SBNO2: variants seen among roughly 807,000 people sequenced by gnomAD.
The protein encoded by SBNO2 is protein strawberry notch homolog 2.
In SBNO2, 89 loss-of-function variants were observed where a neutral mutation model predicts 146.3. The ratio of observed to expected loss-of-function variants is 0.61; its 90% CI spans 0.51 to 0.73. SBNO2 has a LOEUF of 0.73. SBNO2 is among the 30% of genes least tolerant of loss of function. SBNO2 has a pLI of 0.00. For missense variants in SBNO2, 2,092 were observed against 2,003.7 expected (o/e 1.04, Z -0.84); for synonymous variants, 1,147 against 892.6 (o/e 1.29, Z -5.08).
intron 14 of SBNO2, 134 bp downstream of exon 14, chr19:1,118,875 AAC>A (rs2079863864): frequency 3.4e-6 from 3 of 891,724 alleles, no homozygotes; most frequent in Non-Finnish European, 5.0e-6. Context: ...GTCTCAAAAA[AAC>A]AACAAAAAAA....
At position 1,112,009 on chromosome 19, in the gene SBNO2, T is replaced by C; in HGVS notation, c.2687A>G (p.Asn896Ser). 6.2e-7 allele frequency: 1 copy of C among 1,610,754 alleles called. No homozygotes were observed. Among genetic ancestry groups the C allele is most frequent in the Non-Finnish European group, 8.5e-7 (1 of 1,179,132 alleles). ...ATESRDLSKY[N>S]FENKYGTRAL... ...TCCCTGCAGTACCTTGTTCTCAAAG[T>C]TGTACTTGCTGAGGTCACGGGACTC... Residue 896 changes from asparagine to serine, a missense_variant, in exon 23 of 32, where the codon AAC (asparagine) becomes AGC (serine). Transcript: ENST00000361757. This position sits in a 1 kb window ranked among gnomAD's most constrained non-coding sequence, Gnocchi z 5.9.
At chr19:1,147,102 C>A (rs1296665053) in intron 4 of SBNO2, among the ~76,000 whole-genome samples, 1 of 152,098 alleles carries the variant, frequency 6.6e-6, no homozygotes, top group African/African-American at 2.4e-5. Context: ...TCACTGCTGA[C>A]ACGAAGGGCC....
rs762452640 is a variant in SBNO2, at chr19:1,109,536, G to A, written c.3186C>T (p.Gly1062=). 27 of 1,600,800 alleles carry A rather than the reference G, an allele frequency of 1.7e-5. No homozygotes were observed. In the Admixed American group the frequency reaches 3.9e-4, roughly 23 times the overall value. Residue 1062 remains glycine (G), a synonymous_variant, in exon 28 of 32, where the codon GGC becomes GGT. Transcript: ENST00000361757. The surrounding 1 kb of genome is among the most constrained non-coding windows in gnomAD (Gnocchi z 4.2). ...AGGAGAGGTAGAAGCCGTCATAGGG[G>A]CCCGTCAGCGCCAGCGACTTGGCAA... ...DAFAKSLALT[G]PYDGFYLSYK...
At position 1,166,017 on chromosome 19, in the gene SBNO2, C is replaced by T. The variant is rs796981730; in HGVS notation, c.-127+8155G>A. On this transcript the variant is annotated intron_variant, in intron 1 of 31. Coordinates refer to ENST00000361757, the MANE Select transcript of SBNO2 (RefSeq NM_014963.3). Reference sequence around the variant, plus strand: ...CAGACCCCAGATCCTAGATCCCAGACCTCAGACCCCAGACCCCAGACCCCA... The same window carrying T: ...CAGACCCCAGATCCTAGATCCCAGATCTCAGACCCCAGACCCCAGACCCCA... Among the ~76,000 whole-genome samples, 4 of 43,742 alleles carry T rather than the reference C, an allele frequency of 9.1e-5. 1 individual carries two copies. Among genetic ancestry groups the T allele is most frequent in the Admixed American group, 1.8e-4 (1 of 5,558 alleles). 28.7% of individuals were successfully genotyped at this position (43,742 alleles called of 152,430 possible).
At chr19:1,149,893 G>A (rs1314322574) in intron 2 of SBNO2, among the ~76,000 whole-genome samples, 1 of 152,168 alleles carries the variant, frequency 6.6e-6, no homozygotes, top group Non-Finnish European at 1.5e-5. Flanking sequence ...GGGGCTCCTC[G>A]GGCAGGGCCT....
Position 1,109,228 on chromosome 19 carries a change from G to C in SBNO2, c.3349-17C>G, listed in dbSNP as rs376859092. On this transcript the variant is annotated splice_polypyrimidine_tract_variant and intron_variant, in intron 29 of 31. Coordinates refer to ENST00000361757, the MANE Select transcript of SBNO2 (RefSeq NM_014963.3). This position sits in a 1 kb window ranked among gnomAD's most constrained non-coding sequence, Gnocchi z 4.2. ...CGCGGTGACCTAGGGACACAGGGCC[G>C]CATGAGCCTGGGCGGGGTCAGGGCC... 1.9e-6 allele frequency: 3 copies of C among 1,569,492 alleles called. No individual in the cohort carries two copies. The highest frequency in any genetic ancestry group is 2.7e-5 in the African/African-American group (2 of 73,902).
At position 1,127,765 on chromosome 19, in the gene SBNO2, C is replaced by A. The variant is rs1233105975; in HGVS notation, c.280G>T (p.Asp94Tyr). Residue 94 changes from aspartate (D) to tyrosine (Y), a missense_variant and splice_region_variant, in exon 5 of 32, where the codon GAC (aspartate) becomes TAC (tyrosine). Transcript: ENST00000361757. ...LPPKTCDFAQ[D>Y]SSYFEDFSNI... is the part of the protein sequence containing the mutation. ...GAGAAGTCCTCAAAATAGGAGGAGT[C>A]CTGGAAGACAAGGCCAGGCCCGGTG... 1 of 1,612,758 alleles carries A rather than the reference C, an allele frequency of 6.2e-7. No individual in the cohort carries two copies.
chr19:1,149,148 GGA>G (rs2080219685), intron 3 of SBNO2, among the ~76,000 whole-genome samples: 2 of 146,412 alleles, frequency 1.4e-5, no homozygotes, highest in Admixed American at 6.9e-5. Flanking sequence ...GGGCTCTCGA[GGA>G]GAGGGAAGCC....
At chr19:1,156,567 C>T (rs1385005916) in intron 1 of SBNO2, among the ~76,000 whole-genome samples, 1 of 152,126 alleles carries the variant, frequency 6.6e-6, no homozygotes, top group Non-Finnish European at 1.5e-5. Context: ...CACAGCAGCA[C>T]CACTCACAAC....
intron 4 of SBNO2, among the ~76,000 whole-genome samples, chr19:1,132,873 C>T (rs2080046978): frequency 6.6e-6 from 1 of 152,236 alleles, no homozygotes; most frequent in African/African-American, 2.4e-5. Context: ...GGCCTCGGCC[C>T]CCTGGGCAGG....
At chr19:1,162,274 A>G (rs2080355262) in intron 1 of SBNO2, among the ~76,000 whole-genome samples, 1 of 140,472 alleles carries the variant, frequency 7.1e-6, no homozygotes, top group South Asian at 2.4e-4. Flanking sequence ...CCTGGCTAAC[A>G]CGGTGAAACC....
Position 1,123,519 on chromosome 19 carries a change from A to T in SBNO2, c.628+15T>A. ...TTGAACCTGTCCCAGGGCTGGGTGC[A>T]GCCGGGCCACTCACACTTGGACGGC... On this transcript the variant is annotated intron_variant, in intron 7 of 31. Coordinates refer to ENST00000361757, the MANE Select transcript of SBNO2 (RefSeq NM_014963.3). The T allele has an allele frequency of 3.7e-6, 6 of 1,609,444 alleles. No homozygotes were observed. Among genetic ancestry groups the T allele is most frequent in the South Asian group, 1.1e-5 (1 of 90,982 alleles).
In SBNO2 at chr19:1,108,769, G is replaced by T. The variant is rs1568546331; in HGVS notation, c.3616+10C>A. On this transcript the variant is annotated intron_variant, in intron 31 of 31. Transcript: ENST00000361757. ...CTCGGGCCTTCCCGGGGCGCCCGCC[G>T]CCCACTCACCCACTTGCTTCTTCCT... 2.5e-6 allele frequency: 4 copies of T among 1,599,956 alleles called. No homozygotes were observed. Among genetic ancestry groups the T allele is most frequent in the East Asian group, 2.2e-5 (1 of 44,666 alleles).
At chr19:1,123,853 C>T in intron 6 of SBNO2, 89 bp downstream of exon 6, 8 of 1,366,230 alleles carry the variant, frequency 5.9e-6, no homozygotes, top group Non-Finnish European at 8.0e-6. Context: ...CAGCCAAGCG[C>T]TCCCCACAAT....
At chr19:1,113,882 T>A (rs898140360) in intron 18 of SBNO2, among the ~76,000 whole-genome samples, 178 bp from the exon 19 acceptor site, 6 of 152,294 alleles carry the variant, frequency 3.9e-5, no homozygotes, top group South Asian at 2.1e-4. Context: ...CTTGTCTCCC[T>A]GAGACCAGCT....
In SBNO2 at chr19:1,109,888, G is replaced by A; in HGVS notation, c.3029-111C>T. ...CTAGAGACGACCCCCCGAGAGCACA[G>A]GAGAGGGTGTCCTGGATCCTGGCCT... On this transcript the variant is annotated intron_variant, in intron 26 of 31. Coordinates refer to ENST00000361757, the MANE Select transcript of SBNO2 (RefSeq NM_014963.3). This position sits in a 1 kb window ranked among gnomAD's most constrained non-coding sequence, Gnocchi z 4.2. The A allele has an allele frequency of 1.3e-6, 1 of 761,118 alleles. No individual in the cohort carries two copies. The highest frequency in any genetic ancestry group is 2.1e-6 in the Non-Finnish European group (1 of 475,736). The allele number at this position is 761,118 out of a possible 1,614,324, so 47.1% of individuals were successfully genotyped here.
rs528759538 is a variant in SBNO2 at position 1,135,758 on chromosome 19, C to T, written c.280-7993G>A. On this transcript the variant is annotated intron_variant, in intron 4 of 31. Coordinates refer to ENST00000361757, the MANE Select transcript of SBNO2 (RefSeq NM_014963.3). ...GCATTACAGGGAGGGAAACAGGCTA[C>T]GGGGATGGGAGGGGCTCCTCCTGGA... is the stretch of plus-strand genomic sequence containing the variant. Among the ~76,000 whole-genome samples, 27 of 152,240 alleles carry T rather than the reference C, an allele frequency of 1.8e-4. 1 individual carries two copies. In the South Asian group the frequency reaches 3.1e-3, roughly 18 times the overall value.
At chr19:1,164,405 G>GAGA (rs2080381905) in intron 1 of SBNO2, among the ~76,000 whole-genome samples, 1 of 122,866 alleles carries the variant, frequency 8.1e-6, no homozygotes, top group South Asian at 3.0e-4. Flanking sequence ...GGAGGAGGAG[G>GAGA]AGGAGGAGGA....
At chr19:1,167,425 G>A (rs994655248) in intron 1 of SBNO2, among the ~76,000 whole-genome samples, 10 of 152,226 alleles carry the variant, frequency 6.6e-5, no homozygotes, top group Admixed American at 4.6e-4. Context: ...TGGGTTCTCC[G>A]GGAGAGTCCG....
Sources: gnomAD v4.1 joint callset for allele counts (sites outside exome capture counted in the v4.1 genomes callset) on GRCh38, gnomAD v4.1.1 for gene constraint, Gnocchi (gnomAD v3.1) non-coding constraint, MANE v1.5 for transcripts, NCBI Gene and HGNC (gene_info 2026-07-23, HGNC 2026-07-21) for gene names.